The following CLSTN1 variants were observed in gnomAD, a reference collection of about 807,000 sequenced individuals.
CLSTN1 encodes the protein calsyntenin 1.
Under a neutral mutation model 108.3 loss-of-function variants are expected in CLSTN1, and 28 were observed. That is an observed-to-expected ratio of 0.26 (90% CI 0.19 to 0.35). The LOEUF (loss-of-function observed/expected upper bound fraction) is 0.35. Ranked by LOEUF, CLSTN1 falls within the 10% of genes least tolerant of loss-of-function variation. The pLI is 1.00. For missense variants in CLSTN1, 1,157 were observed against 1,302.6 expected (o/e 0.89, Z 1.72); for synonymous variants, 524 against 534.9 (o/e 0.98, Z 0.28).
At chr1:9,813,612 A>G (rs1654857473) in intron 1 of CLSTN1, among the ~76,000 whole-genome samples, 1 of 152,200 alleles carries the variant, frequency 6.6e-6, no homozygotes, top group Non-Finnish European at 1.5e-5. Context: ...AGTCCTGTCA[A>G]TCTTCATCAT....
intron 16 of CLSTN1, 42 bp from the exon 17 acceptor site, chr1:9,731,938 G>C (rs1650422983): frequency 6.2e-7 from 1 of 1,612,554 alleles, no homozygotes. Flanking sequence ...CAGGCATCCT[G>C]AGCCTGTCCA....
At chr1:9,735,844 A>AG in intron 12 of CLSTN1, 41 bp downstream of exon 12, 2 of 1,609,902 alleles carry the variant, frequency 1.2e-6, no homozygotes, top group Non-Finnish European at 1.7e-6. Flanking sequence ...CTGTAGTCTA[A>AG]GGGGCCCATG....
intron 1 of CLSTN1, among the ~76,000 whole-genome samples, chr1:9,789,432 G>A (rs1349127004): frequency 6.6e-6 from 1 of 151,364 alleles, no homozygotes; most frequent in East Asian, 2.0e-4. Flanking sequence ...CTCGTATTGT[G>A]TAAAATTGAT....
At chr1:9,743,724 G>GTT (rs140596224) in intron 9 of CLSTN1, among the ~76,000 whole-genome samples, 160 bp downstream of exon 9, 15 of 143,590 alleles carry the variant, frequency 1.0e-4, no homozygotes, top group Admixed American at 7.0e-4. Context: ...ATTTTCGTGG[G>GTT]TTTTTTTTTT....
Position 9,744,121 on chromosome 1 carries a change from G to T in CLSTN1, c.1235-116C>A, listed in dbSNP as rs967923825. ...TTCATCTGCATAAATGAACTCTTCG[G>T]CTAAGCCAAGGCAGGGCTTAGAAAC... On this transcript the variant is annotated intron_variant, in intron 8 of 18. Coordinates refer to ENST00000377298, the MANE Select transcript of CLSTN1 (RefSeq NM_001009566.3). 6.2e-5 allele frequency: 87 copies of T among 1,406,710 alleles called. No individual in the cohort carries two copies. In the African/African-American group the frequency reaches 1.1e-3, roughly 18 times the overall value. 87.1% of individuals were successfully genotyped at this position (1,406,710 alleles called of 1,614,324 possible).
intron 2 of CLSTN1, among the ~76,000 whole-genome samples, chr1:9,767,845 T>C (rs555925955): frequency 5.3e-5 from 8 of 152,220 alleles, no homozygotes; most frequent in Non-Finnish European, 1.0e-4. Flanking sequence ...TCACAAAATG[T>C]TAAGTGAAAA....
At chr1:9,809,654 G>C (rs1654645139) in intron 1 of CLSTN1, among the ~76,000 whole-genome samples, 1 of 152,014 alleles carries the variant, frequency 6.6e-6, no homozygotes, top group Non-Finnish European at 1.5e-5. Context: ...TGTAATCTTA[G>C]CATTTTCGGA....
chr1:9,779,660 C>A (rs1435891419), intron 1 of CLSTN1, among the ~76,000 whole-genome samples: 1 of 152,138 alleles, frequency 6.6e-6, no homozygotes, highest in African/African-American at 2.4e-5. Flanking sequence ...CTCCTGAGCT[C>A]AAGCAATTCT....
At chr1:9,799,135 C>T (rs1304061935) in intron 1 of CLSTN1, among the ~76,000 whole-genome samples, 2 of 152,052 alleles carry the variant, frequency 1.3e-5, no homozygotes, top group East Asian at 1.9e-4. Flanking sequence ...GAGCCCTGAT[C>T]GTGCCACTGA....
chr1:9,807,670 G>T (rs1654563675), intron 1 of CLSTN1, among the ~76,000 whole-genome samples: 3 of 152,226 alleles, frequency 2.0e-5, no homozygotes, highest in Admixed American at 2.0e-4. Context: ...GGCAGGGCCT[G>T]CAGAGGCGGC....
At chr1:9,813,136 G>A (rs1270638037) in intron 1 of CLSTN1, among the ~76,000 whole-genome samples, 1 of 152,136 alleles carries the variant, frequency 6.6e-6, no homozygotes, top group Non-Finnish European at 1.5e-5. Flanking sequence ...CTGCACTCCA[G>A]CCTGGGTGAC....
intron 1 of CLSTN1, among the ~76,000 whole-genome samples, chr1:9,774,346 A>G (rs544924374): frequency 6.6e-6 from 1 of 152,184 alleles, no homozygotes; most frequent in Admixed American, 6.5e-5. Flanking sequence ...AGGGCGGATC[A>G]CCTGAGGTCA....
At chr1:9,778,349 T>G (rs1653059203) in intron 1 of CLSTN1, among the ~76,000 whole-genome samples, 1 of 151,970 alleles carries the variant, frequency 6.6e-6, no homozygotes, top group African/African-American at 2.4e-5. Context: ...CAGGAACTAT[T>G]TGGGAAATGA....
chr1:9,814,882 AG>A (rs1358749500), intron 1 of CLSTN1, among the ~76,000 whole-genome samples: 2 of 147,918 alleles, frequency 1.4e-5, no homozygotes, highest in African/African-American at 5.0e-5. Flanking sequence ...CCTGGGCAAC[AG>A]AGCAAGATCC....
chr1:9,767,326 T>C (rs935929712), intron 2 of CLSTN1, among the ~76,000 whole-genome samples: 2 of 152,280 alleles, frequency 1.3e-5, no homozygotes, highest in African/African-American at 4.8e-5. Context: ...GCAGACTGCC[T>C]GAGCTCAGGA....
intron 1 of CLSTN1, among the ~76,000 whole-genome samples, chr1:9,789,066 C>T (rs149051369): frequency 1.8e-4 from 27 of 151,538 alleles, no homozygotes; most frequent in African/African-American, 6.3e-4. Context: ...TTTTGCTTAT[C>T]CATTCCCTGG....
rs374236953 is a variant in CLSTN1, at chr1:9,819,048, C to T, written c.91+4595G>A. The stretch of plus-strand genomic sequence containing the variant: ...TGACCTCGTGATCCACCCACATTGG[C>T]CTCCCAAAATGCTGGGATTACAGGT... On this transcript the variant is annotated intron_variant, in intron 1 of 18. Coordinates refer to ENST00000377298, the MANE Select transcript of CLSTN1 (RefSeq NM_001009566.3). Among the ~76,000 whole-genome samples, 10 of 152,052 alleles carry T rather than the reference C, an allele frequency of 6.6e-5. No individual in the cohort carries two copies. In the South Asian group the frequency reaches 1.2e-3, roughly 19 times the overall value.
intron 1 of CLSTN1, among the ~76,000 whole-genome samples, chr1:9,809,043 C>T (rs1464761964): frequency 6.6e-6 from 1 of 152,124 alleles, no homozygotes; most frequent in Non-Finnish European, 1.5e-5. Flanking sequence ...CTTCACTGTC[C>T]ACCAGAGTGA....
At chr1:9,748,191 G>A (rs571713190) in intron 7 of CLSTN1, among the ~76,000 whole-genome samples, 3 of 152,238 alleles carry the variant, frequency 2.0e-5, no homozygotes, top group Non-Finnish European at 4.4e-5. Flanking sequence ...TTATGAAGAC[G>A]CTGCTTCATT....
Sources: gnomAD v4.1 joint callset for allele counts (sites outside exome capture counted in the v4.1 genomes callset) on GRCh38, gnomAD v4.1.1 for gene constraint, MANE v1.5 for transcripts, NCBI Gene and HGNC (gene_info 2026-07-23, HGNC 2026-07-21) for gene names.